Variants in ACCSL observed in about 807,000 individuals in gnomAD.
The protein encoded by ACCSL is probable inactive 1-aminocyclopropane-1-carboxylate synthase-like protein 2.
ACCSL carries 55 observed loss-of-function variants against 61.7 expected under a neutral mutation model. That is an observed-to-expected ratio of 0.89 (90% confidence interval 0.72 to 1.12). ACCSL has a LOEUF of 1.12. ACCSL is among the 50% of genes most tolerant of loss of function. ACCSL has a pLI of 0.00. For missense variants in ACCSL, 632 were observed against 698.0 expected (o/e 0.91, Z 1.07); for synonymous variants, 258 against 264.3 (o/e 0.98, Z 0.23).
chr11:44,041,957 A>T, the ACCSL span, among the ~76,000 whole-genome samples: 3 of 152,156 alleles, frequency 2.0e-5, no homozygotes, highest in South Asian at 2.1e-4. Flanking sequence ...TGATTTTTTG[A>T]AACTCCCTAG....
chr11:43,979,656 T>C, the ACCSL span, among the ~76,000 whole-genome samples: 1 of 151,928 alleles, frequency 6.6e-6, no homozygotes, highest in Non-Finnish European at 1.5e-5. Context: ...CGTTTCTAAT[T>C]ATAAAAGAGA....
At chr11:44,056,349 A>G (rs749065102) in intron 11 of ACCSL, 23 bp downstream of exon 11, 13 of 1,607,032 alleles carry the variant, frequency 8.1e-6, no homozygotes, top group Middle Eastern at 1.8e-4. Flanking sequence ...AGCACAGACC[A>G]GCATGTTGGC....
chr11:44,054,447 CT>C (rs67313576), intron 8 of ACCSL, among the ~76,000 whole-genome samples: 71 of 138,342 alleles, frequency 5.1e-4, no homozygotes, highest in Non-Finnish European at 5.0e-4. Context: ...TTCTTTCTTT[CT>C]TTTTTTTTTT....
At chr11:43,997,445 C>A in the ACCSL span, among the ~76,000 whole-genome samples, 6 of 152,286 alleles carry the variant, frequency 3.9e-5, no homozygotes, top group East Asian at 1.2e-3. Context: ...GAGGATTCAG[C>A]TTTCTGGGTC....
intron 1 of ACCSL, among the ~76,000 whole-genome samples, chr11:44,049,147 T>A (rs1306484400): frequency 6.6e-6 from 1 of 151,866 alleles, no homozygotes; most frequent in Non-Finnish European, 1.5e-5. Flanking sequence ...AGGCTGGGCG[T>A]GGTGGCTCAT....
At chr11:43,984,532 A>T in the ACCSL span, among the ~76,000 whole-genome samples, 1 of 152,342 alleles carries the variant, frequency 6.6e-6, no homozygotes, top group South Asian at 2.1e-4. Flanking sequence ...CATATGCTTG[A>T]CAATGACCTA....
rs764060093 is a variant in ACCSL, at chr11:44,048,490, G to A, written c.454G>A (p.Asp152Asn). The part of the protein sequence containing the change: ...ISVFYQSSFQ[D>N]YNAYQKDKYH... ...TGTCTTTTATCAGTCGAGCTTCCAG[G>A]ACTACAATGCCTACCAAAAAGATAA... The change falls in exon 1 of 14, where the codon GAC (aspartate) becomes AAC (asparagine). Residue 152 changes from aspartate (D) to asparagine (N), a missense_variant. Transcript: ENST00000378832. The A allele has an allele frequency of 1.9e-6, 3 of 1,604,024 alleles. No homozygotes were observed. The East Asian group carries it at 6.7e-5, about 36-fold the overall frequency.
chr11:43,994,287 G>T, the ACCSL span, among the ~76,000 whole-genome samples: 2 of 152,162 alleles, frequency 1.3e-5, no homozygotes, highest in Admixed American at 1.3e-4. Flanking sequence ...AGTCCTCACT[G>T]ATAGTGCCAC....
the ACCSL span, among the ~76,000 whole-genome samples, chr11:43,940,335 T>C: frequency 1.3e-3 from 201 of 151,818 alleles, 3 homozygotes; most frequent in Non-Finnish European, 1.6e-3. Context: ...TGCCTTACTG[T>C]TGCCCTTAGA....
the ACCSL span, among the ~76,000 whole-genome samples, chr11:43,973,367 C>A: frequency 6.6e-6 from 1 of 152,098 alleles, no homozygotes; most frequent in African/African-American, 2.4e-5. Context: ...GCAAATACAT[C>A]ATGTATTTTT....
the ACCSL span, among the ~76,000 whole-genome samples, chr11:43,937,352 C>G: frequency 6.6e-6 from 1 of 152,186 alleles, no homozygotes; most frequent in Non-Finnish European, 1.5e-5. Context: ...GACTGAGGGG[C>G]AGCCGTCAGT....
chr11:44,054,741 C>T (rs1952660879), intron 8 of ACCSL, among the ~76,000 whole-genome samples: 1 of 152,172 alleles, frequency 6.6e-6, no homozygotes, highest in African/African-American at 2.4e-5. Flanking sequence ...AGGCCTGAAC[C>T]ACCATGCCCG....
At chr11:44,027,529 G>A in the ACCSL span, among the ~76,000 whole-genome samples, 2 of 152,182 alleles carry the variant, frequency 1.3e-5, no homozygotes, top group Admixed American at 1.3e-4. Context: ...GCCTGGCACA[G>A]AGTAAGTGCT....
At chr11:43,988,286 G>A in the ACCSL span, among the ~76,000 whole-genome samples, 1 of 152,136 alleles carries the variant, frequency 6.6e-6, no homozygotes, top group African/African-American at 2.4e-5. Context: ...CTTACCCTTC[G>A]TGTTACCTCC....
the ACCSL span, among the ~76,000 whole-genome samples, chr11:43,930,442 C>T: frequency 6.6e-6 from 1 of 152,176 alleles, no homozygotes; most frequent in Admixed American, 6.5e-5. Flanking sequence ...GTGGATCCCT[C>T]ATGAATGGCT....
the ACCSL span, among the ~76,000 whole-genome samples, chr11:43,937,716 G>C: frequency 6.6e-6 from 1 of 151,244 alleles, no homozygotes; most frequent in South Asian, 2.1e-4. Flanking sequence ...CCTAGCTTCA[G>C]TGGCCTGCTT....
chr11:43,985,174 C>T, the ACCSL span, among the ~76,000 whole-genome samples: 1 of 152,176 alleles, frequency 6.6e-6, no homozygotes, highest in Non-Finnish European at 1.5e-5. Context: ...TTTTCCTGTC[C>T]TGAGCATTGG....
At chr11:44,000,483 G>A in the ACCSL span, among the ~76,000 whole-genome samples, 9 of 128,896 alleles carry the variant, frequency 7.0e-5, no homozygotes, top group African/African-American at 1.7e-4. Flanking sequence ...CTGAGATCAT[G>A]CCACTGCACT....
chr11:44,014,869 C>T, the ACCSL span, among the ~76,000 whole-genome samples: 76 of 152,288 alleles, frequency 5.0e-4, no homozygotes, highest in Non-Finnish European at 6.9e-4. Flanking sequence ...AAGCGCTCTC[C>T]GAGCCTGGGC....
Sources: gnomAD v4.1 joint callset for allele counts (sites outside exome capture counted in the v4.1 genomes callset) on GRCh38, gnomAD v4.1.1 for gene constraint, MANE v1.5 for transcripts, NCBI Gene and HGNC (gene_info 2026-07-23, HGNC 2026-07-21) for gene names.